The following LINGO1 variants were observed in gnomAD, a reference collection of about 807,000 sequenced individuals.
LINGO1 encodes the protein leucine-rich repeat and immunoglobulin-like domain-containing nogo receptor-interacting protein 1.
In LINGO1, 11 loss-of-function variants were observed where a neutral mutation model predicts 37.3. The ratio of observed to expected loss-of-function variants is 0.29; its 90% confidence interval spans 0.19 to 0.49. The LOEUF (loss-of-function observed/expected upper bound fraction) is 0.49, where lower values mean the gene tolerates loss of function less well. Ranked by LOEUF, LINGO1 falls within the 20% of genes least tolerant of loss-of-function variation. LINGO1 has a pLI of 0.99. For missense variants in LINGO1, 585 were observed against 878.2 expected, an observed-to-expected ratio of 0.67 and a Z score of 4.22; for synonymous variants, 387 against 403.0, an observed-to-expected ratio of 0.96 and a Z score of 0.48.
chr15:77,691,563 C>T (rs1014920001), intron 1 of LINGO1, among the ~76,000 whole-genome samples: 4 of 152,110 alleles, frequency 2.6e-5, no homozygotes, highest in Admixed American at 2.0e-4. Flanking sequence ...CTCCTCCAGC[C>T]ACTGCCACTG....
chr15:77,783,197 A>G (rs1423695465), intron 1 of LINGO1, among the ~76,000 whole-genome samples: 1 of 152,166 alleles, frequency 6.6e-6, no homozygotes, highest in Non-Finnish European at 1.5e-5. Context: ...AGCTCAGCAC[A>G]GTCTGAGGTT....
intron 1 of LINGO1, among the ~76,000 whole-genome samples, chr15:77,762,305 T>C (rs2076485590): frequency 1.3e-5 from 2 of 152,160 alleles, no homozygotes; most frequent in Non-Finnish European, 2.9e-5. Flanking sequence ...ACCAAGCACA[T>C]GTGTTTGCTA....
upstream of LINGO1, among the ~76,000 whole-genome samples, chr15:77,700,659 C>T (rs536544498): frequency 3.3e-5 from 5 of 152,208 alleles, no homozygotes; most frequent in East Asian, 3.9e-4. Flanking sequence ...TCAAAGTCTC[C>T]GAGTTGTATT....
chr15:77,668,792 TACACACACACACACACAC>T (rs34476518), intron 3 of LINGO1, among the ~76,000 whole-genome samples: 13 of 134,818 alleles, frequency 9.6e-5, no homozygotes, highest in East Asian at 2.2e-4. Flanking sequence ...CACAGGGGAA[TACACACACACACACACAC>T]ACACACACAC....
At chr15:77,776,490 C>CAGGAAGGGAGGAAGGG (rs2076647632) in intron 1 of LINGO1, among the ~76,000 whole-genome samples, 2 of 71,684 alleles carry the variant, frequency 2.8e-5, no homozygotes, top group African/African-American at 1.3e-4. Context: ...GGCAGGAAAG[C>CAGGAAGGGAGGAAGGG]AGGAAGGCAG....
At chr15:77,776,973 T>TA (rs1023777928) in intron 1 of LINGO1, among the ~76,000 whole-genome samples, 2 of 152,206 alleles carry the variant, frequency 1.3e-5, no homozygotes, top group Non-Finnish European at 2.9e-5. Context: ...AGCCTGGCTC[T>TA]AAAGACTTTG....
upstream of LINGO1, among the ~76,000 whole-genome samples, chr15:77,699,712 C>CAT (rs1567532160): frequency 1.6e-3 from 3 of 1,868 alleles, no homozygotes; most frequent in Non-Finnish European, 3.4e-3. Context: ...AACCATCATT[C>CAT]CCACACACAA....
intron 1 of LINGO1, among the ~76,000 whole-genome samples, chr15:77,776,452 G>T: frequency 8.1e-6 from 1 of 124,054 alleles, no homozygotes. Flanking sequence ...GGCTTTAGCA[G>T]GAAGGCAGGA....
intron 2 of LINGO1, among the ~76,000 whole-genome samples, chr15:77,682,038 G>C (rs960554316): frequency 1.3e-5 from 2 of 152,150 alleles, no homozygotes; most frequent in African/African-American, 4.8e-5. Flanking sequence ...AACCCAGGCA[G>C]TCCAGCTCCA....
At chr15:77,806,958 C>T (rs2076965149) in intron 1 of LINGO1, among the ~76,000 whole-genome samples, 3 of 152,134 alleles carry the variant, frequency 2.0e-5, no homozygotes, top group African/African-American at 4.8e-5. Flanking sequence ...ACCTTGAGAT[C>T]AAGTCCAAAC....
chr15:77,619,809 G>C (rs2073863567), intron 1 of LINGO1, among the ~76,000 whole-genome samples: 1 of 152,246 alleles, frequency 6.6e-6, no homozygotes, highest in South Asian at 2.1e-4. Flanking sequence ...CCCCAGGCCT[G>C]GCAGTTGGTC....
At chr15:77,639,082 C>T (rs2074449250), upstream of LINGO1, among the ~76,000 whole-genome samples, 1 of 152,102 alleles carries the variant, frequency 6.6e-6, no homozygotes, top group Non-Finnish European at 1.5e-5. Flanking sequence ...CCATGAGGCC[C>T]TGGGACCTTC....
chr15:77,689,122 A>G (rs4886894), intron 2 of LINGO1, among the ~76,000 whole-genome samples: 39,098 of 152,120 alleles, frequency 0.26, 5,252 homozygotes, highest in Middle Eastern at 0.31. Context: ...AATAGGCAAC[A>G]GGAACCGCAG....
intron 3 of LINGO1, among the ~76,000 whole-genome samples, chr15:77,660,540 G>A (rs886519673): frequency 6.6e-6 from 1 of 152,226 alleles, no homozygotes; most frequent in Admixed American, 6.5e-5. Context: ...TCTATTCTCT[G>A]TACCAAGTGG....
At chr15:77,721,064 C>A (rs1342778884) in intron 2 of LINGO1, among the ~76,000 whole-genome samples, 1 of 152,128 alleles carries the variant, frequency 6.6e-6, no homozygotes, top group Non-Finnish European at 1.5e-5. Context: ...CCTCAATGCT[C>A]ACATTCACCC....
At chr15:77,646,058 G>A (rs2074620255) in intron 3 of LINGO1, among the ~76,000 whole-genome samples, 2 of 152,238 alleles carry the variant, frequency 1.3e-5, no homozygotes, top group South Asian at 4.1e-4. Flanking sequence ...GAGTGGGCGA[G>A]ATAAAAGGGT....
chr15:77,668,489 C>T (rs1049317809), intron 3 of LINGO1, among the ~76,000 whole-genome samples: 3 of 152,138 alleles, frequency 2.0e-5, no homozygotes, highest in Non-Finnish European at 2.9e-5. Flanking sequence ...GCCCTTCATC[C>T]GCTGAGAGAA....
intron 2 of LINGO1, among the ~76,000 whole-genome samples, chr15:77,732,188 G>A (rs543105390): frequency 1.2e-4 from 19 of 152,290 alleles, no homozygotes; most frequent in African/African-American, 4.1e-4. Flanking sequence ...CTTGAGGTCT[G>A]CACTCTACAC....
chr15:77,746,812 C>T (rs1174167757), intron 1 of LINGO1, among the ~76,000 whole-genome samples: 2 of 152,102 alleles, frequency 1.3e-5, no homozygotes, highest in African/African-American at 4.8e-5. Context: ...ATGTGCTGGC[C>T]AGAGCACACA....
Sources: allele counts gnomAD v4.1 joint callset (sites outside exome capture counted in the v4.1 genomes callset), GRCh38; gene constraint gnomAD v4.1.1; transcripts MANE v1.5; gene names NCBI Gene and HGNC (gene_info 2026-07-23, HGNC 2026-07-21).